RBFOX1: variants seen among roughly 807,000 people sequenced by gnomAD.
RBFOX1 encodes the protein RNA binding protein fox-1 homolog 1.
In RBFOX1, 8 loss-of-function variants were observed where a neutral mutation model predicts 57.7. The observed-to-expected ratio is 0.14, with a 90% CI of 0.08 to 0.25. RBFOX1 has a LOEUF of 0.25. Among genes scored for constraint, RBFOX1 ranks in the 10% least tolerant of loss-of-function variants. The pLI is 1.00. For missense variants in RBFOX1, 611 were observed against 548.5 expected, an observed-to-expected ratio of 1.11 and a Z score of -1.14; for synonymous variants, 326 against 222.4, an observed-to-expected ratio of 1.47 and a Z score of -4.15.
In RBFOX1 at chr16:5,703,186, A is replaced by G. The variant is rs562792507; in HGVS notation, c.318+104225A>G. 3.3e-5 allele frequency among the ~76,000 whole-genome samples: 5 copies of G among 152,350 alleles called. No individual in the cohort carries two copies. In the South Asian group the frequency reaches 1.0e-3, roughly 32 times the overall value. Reference sequence around the variant, plus strand: ...TGTATAATTGCAACTTTGCTATGAAAGAGGGGCACAGGATACTTTGAGGTA... The same window carrying G: ...TGTATAATTGCAACTTTGCTATGAAGGAGGGGCACAGGATACTTTGAGGTA... On this transcript the variant is annotated intron_variant, in intron 3 of 19. Coordinates refer to the RBFOX1 transcript ENST00000641259.
intron 3 of RBFOX1, among the ~76,000 whole-genome samples, chr16:6,806,807 T>A: frequency 1.2e-5 from 1 of 83,986 alleles, no homozygotes. Context: ...TATATATAAA[T>A]AAATATATAA....
At chr16:7,330,306 G>A (rs7198744) in intron 4 of RBFOX1, among the ~76,000 whole-genome samples, 1 of 150,690 alleles carries the variant, frequency 6.6e-6, no homozygotes, top group Non-Finnish European at 1.5e-5. Flanking sequence ...TGTAAATGCT[G>A]TGTAAATCAT....
chr16:5,931,413 G>A (rs2152248326), intron 4 of RBFOX1, among the ~76,000 whole-genome samples: 1 of 152,294 alleles, frequency 6.6e-6, no homozygotes, highest in South Asian at 2.1e-4. Context: ...GAACCACAGA[G>A]ACTTAAAGTG....
intron 1 of RBFOX1, among the ~76,000 whole-genome samples, chr16:5,298,209 C>G (rs2063715229): frequency 6.6e-6 from 1 of 152,128 alleles, no homozygotes; most frequent in South Asian, 2.1e-4. Context: ...GTGAAATTTT[C>G]TAATTATTAC....
intron 2 of RBFOX1, among the ~76,000 whole-genome samples, chr16:6,574,404 G>A (rs1049305463): frequency 1.3e-5 from 2 of 150,454 alleles, no homozygotes; most frequent in Admixed American, 1.3e-4. Flanking sequence ...GTGTAGCAAG[G>A]GTTTCTGTCC....
At chr16:7,545,112 C>T (rs2084058519) in intron 5 of RBFOX1, among the ~76,000 whole-genome samples, 1 of 152,146 alleles carries the variant, frequency 6.6e-6, no homozygotes, top group Non-Finnish European at 1.5e-5. Flanking sequence ...CAGGAATTAT[C>T]TTTTTTTCCT....
At chr16:5,862,787 C>A (rs539680272) in intron 3 of RBFOX1, among the ~76,000 whole-genome samples, 2 of 152,172 alleles carry the variant, frequency 1.3e-5, no homozygotes, top group African/African-American at 4.8e-5. Flanking sequence ...AGACCTAACA[C>A]GACCCTATAA....
intron 3 of RBFOX1, among the ~76,000 whole-genome samples, chr16:6,827,214 C>A (rs1481238051): frequency 7.2e-6 from 1 of 138,964 alleles, no homozygotes; most frequent in South Asian, 2.3e-4. Flanking sequence ...TTTTTTTTTT[C>A]TTCAACTACT....
At chr16:6,549,029 C>G (rs1009970490) in intron 2 of RBFOX1, among the ~76,000 whole-genome samples, 1 of 147,738 alleles carries the variant, frequency 6.8e-6, no homozygotes, top group African/African-American at 2.5e-5. Flanking sequence ...GAGCTGAGAT[C>G]ATGCCACTGC....
rs1212998584 is a variant in RBFOX1, at chr16:5,947,022, A to T, written c.351+79687A>T. Among the ~76,000 whole-genome samples the T allele has an allele frequency of 6.6e-6, 1 of 152,174 alleles. No homozygotes were observed. Among genetic ancestry groups the T allele is most frequent in the Non-Finnish European group, 1.5e-5 (1 of 68,022 alleles). ...AGGCCAGGAGTTTGAGACCAGCTCTAGCAATATAGTGACACCCCATCTGTA... is the reference window on the plus strand; with the variant it reads ...AGGCCAGGAGTTTGAGACCAGCTCTTGCAATATAGTGACACCCCATCTGTA... On this transcript the variant is annotated intron_variant, in intron 4 of 19. Coordinates refer to the RBFOX1 transcript ENST00000641259. This position sits in a 1 kb window ranked among gnomAD's most constrained non-coding sequence, Gnocchi z 7.2.
chr16:6,573,297 G>T (rs1317121994), intron 2 of RBFOX1, among the ~76,000 whole-genome samples: 1 of 152,076 alleles, frequency 6.6e-6, no homozygotes, highest in Non-Finnish European at 1.5e-5. Flanking sequence ...GCCAGGGGAC[G>T]CCATACCCTC....
chr16:5,266,122 T>C (rs2062851464), intron 1 of RBFOX1, among the ~76,000 whole-genome samples: 1 of 152,066 alleles, frequency 6.6e-6, no homozygotes, highest in Non-Finnish European at 1.5e-5. Flanking sequence ...ATGAGATGAC[T>C]AGAATGAAAG....
rs147163176 is a variant in RBFOX1, at chr16:5,888,678, C to G, written c.351+21343C>G. On this transcript the variant is annotated intron_variant, in intron 4 of 19. Coordinates refer to the RBFOX1 transcript ENST00000641259. ...GGTGTGGTGGCACATGCCTGTAATC[C>G]CAGCTACTCAACAAGGCTGAGGCAG... 9.7e-3 allele frequency among the ~76,000 whole-genome samples: 1,467 copies of G among 151,826 alleles called. 8 individuals carry two copies. The highest frequency in any genetic ancestry group is 0.014 in the Admixed American group (206 of 15,230).
intron 2 of RBFOX1, among the ~76,000 whole-genome samples, chr16:6,635,185 A>G (rs2098421972): frequency 6.7e-6 from 1 of 148,456 alleles, no homozygotes; most frequent in Non-Finnish European, 1.5e-5. Context: ...GTTTTAATAT[A>G]TATTACATAA....
intron 4 of RBFOX1, among the ~76,000 whole-genome samples, chr16:7,094,340 G>A (rs893427182): frequency 6.6e-6 from 1 of 152,066 alleles, no homozygotes; most frequent in South Asian, 2.1e-4. Flanking sequence ...GCTTTTAGGA[G>A]AAGTAGAGAG....
intron 4 of RBFOX1, among the ~76,000 whole-genome samples, chr16:7,423,322 A>G (rs2098562719): frequency 6.6e-6 from 1 of 152,080 alleles, no homozygotes; most frequent in South Asian, 2.1e-4. Flanking sequence ...AGTTCTAAAC[A>G]CAAAGAGTGC....
chr16:5,898,638 G>A (rs1017237067), intron 4 of RBFOX1, among the ~76,000 whole-genome samples: 1 of 152,002 alleles, frequency 6.6e-6, no homozygotes, highest in Non-Finnish European at 1.5e-5. Context: ...GCCCAGAGAG[G>A]TTGTCCAAAA....
chr16:7,249,288 C>T (rs1466015111), intron 4 of RBFOX1, among the ~76,000 whole-genome samples: 2 of 151,606 alleles, frequency 1.3e-5, no homozygotes, highest in African/African-American at 4.8e-5. Context: ...TCTTTTCTTT[C>T]TATTGGATGA....
At chr16:5,679,738 C>G (rs2050272733) in intron 3 of RBFOX1, among the ~76,000 whole-genome samples, 1 of 152,188 alleles carries the variant, frequency 6.6e-6, no homozygotes, top group Non-Finnish European at 1.5e-5. Context: ...TTTGGCAACA[C>G]AGCCATCCAG....
Sources: allele counts gnomAD v4.1 joint callset (sites outside exome capture counted in the v4.1 genomes callset), GRCh38; gene constraint gnomAD v4.1.1; non-coding constraint Gnocchi (gnomAD v3.1); transcripts MANE v1.5; gene names NCBI Gene and HGNC (gene_info 2026-07-23, HGNC 2026-07-21).